Variants in SCFD2 observed in about 807,000 individuals in gnomAD.
SCFD2 encodes the protein sec1 family domain-containing protein 2.
SCFD2 carries 54 observed loss-of-function variants against 58.9 expected under a neutral mutation model. That is an observed-to-expected ratio of 0.92 (90% CI 0.74 to 1.15). The LOEUF (loss-of-function observed/expected upper bound fraction) is 1.15. SCFD2 is among the 50% of genes most tolerant of loss of function. The pLI is 0.00. For synonymous variants in SCFD2, 321 were observed against 335.9 expected (o/e 0.96, Z 0.49); for missense variants, 805 against 836.6 (o/e 0.96, Z 0.47).
At chr4:52,926,501 T>C (rs996133710) in intron 5 of SCFD2, among the ~76,000 whole-genome samples, 2 of 151,938 alleles carry the variant, frequency 1.3e-5, no homozygotes, top group Non-Finnish European at 2.9e-5. Flanking sequence ...GTAGCTAGAG[T>C]AGGATTTGAA....
At chr4:53,155,121 T>A (rs1368427932) in intron 4 of SCFD2, among the ~76,000 whole-genome samples, 1 of 152,134 alleles carries the variant, frequency 6.6e-6, no homozygotes, top group Admixed American at 6.5e-5. Flanking sequence ...ATACAAGTGG[T>A]TGATGTGAGG....
At chr4:53,352,525 G>T (rs2149163502) in intron 2 of SCFD2, 73 bp downstream of exon 2, 3 of 1,211,710 alleles carry the variant, frequency 2.5e-6, no homozygotes, top group Non-Finnish European at 3.4e-6. Context: ...TTTTCCTATG[G>T]GAATACTCAG....
intron 1 of SCFD2, among the ~76,000 whole-genome samples, chr4:53,353,445 T>G (rs1473202116): frequency 6.6e-6 from 1 of 152,154 alleles, no homozygotes; most frequent in African/African-American, 2.4e-5. Flanking sequence ...AACAGTGTGG[T>G]AAGGGACCCA....
chr4:53,251,992 C>T (rs541136158), intron 4 of SCFD2, among the ~76,000 whole-genome samples: 2 of 152,316 alleles, frequency 1.3e-5, no homozygotes, highest in African/African-American at 4.8e-5. Context: ...ACCCCATCAT[C>T]TCAGCCCAAA....
intron 4 of SCFD2, among the ~76,000 whole-genome samples, chr4:53,159,979 C>CTA (rs1316327299): frequency 6.6e-6 from 1 of 152,224 alleles, no homozygotes; most frequent in African/African-American, 2.4e-5. Flanking sequence ...CCAAAGTCCT[C>CTA]TAACAGGGTA....
intron 2 of SCFD2, among the ~76,000 whole-genome samples, chr4:53,331,556 A>C (rs1733470648): frequency 6.6e-6 from 1 of 152,218 alleles, no homozygotes; most frequent in Non-Finnish European, 1.5e-5. Context: ...AGCGAGAACA[A>C]AGACACAACA....
At chr4:53,056,752 G>A (rs80320049) in intron 5 of SCFD2, among the ~76,000 whole-genome samples, 1 of 152,130 alleles carries the variant, frequency 6.6e-6, no homozygotes, top group Non-Finnish European at 1.5e-5. Flanking sequence ...TTCAGTTTTA[G>A]ATCCTTGTAT....
At chr4:53,300,409 T>C (rs11946792) in intron 3 of SCFD2, among the ~76,000 whole-genome samples, 10 of 152,278 alleles carry the variant, frequency 6.6e-5, no homozygotes, top group African/African-American at 2.4e-4. Flanking sequence ...CTCTCCTAAA[T>C]ATATATGCAC....
At position 52,909,530 on chromosome 4, in the gene SCFD2, T is replaced by C. The variant is rs192814417; in HGVS notation, c.1708-1939A>G. Among the ~76,000 whole-genome samples the C allele has an allele frequency of 1.1e-3, 175 of 152,254 alleles. 1 individual carries two copies. Among genetic ancestry groups the C allele is most frequent in the South Asian group, 7.5e-3 (36 of 4,822 alleles). On this transcript the variant is annotated intron_variant, in intron 6 of 8. Coordinates refer to ENST00000401642, the MANE Select transcript of SCFD2 (RefSeq NM_152540.4). The stretch of plus-strand genomic sequence containing the variant: ...CAAAAATAAGCTCCGGTGTGAAACA[T>C]AGTAACTATCAGCAGCAATGATTAT...
At chr4:53,358,252 A>C (rs1734454264) in intron 1 of SCFD2, among the ~76,000 whole-genome samples, 2 of 152,170 alleles carry the variant, frequency 1.3e-5, no homozygotes, top group African/African-American at 4.8e-5. Context: ...TTAATTTAAA[A>C]GTTTGCATGA....
intron 5 of SCFD2, among the ~76,000 whole-genome samples, chr4:53,060,756 T>C (rs1269246165): frequency 6.6e-6 from 1 of 152,154 alleles, no homozygotes; most frequent in Non-Finnish European, 1.5e-5. Context: ...AATATAAAGA[T>C]ATGTGACTTT....
intron 5 of SCFD2, among the ~76,000 whole-genome samples, chr4:52,946,163 C>T (rs561273332): frequency 1.3e-4 from 20 of 152,202 alleles, no homozygotes; most frequent in Middle Eastern, 6.8e-3. Context: ...TGGCATGGTA[C>T]TAGGGATCTG....
Position 53,300,901 on chromosome 4 carries a change from C to T in SCFD2, c.1135+12735G>A, listed in dbSNP as rs763730704. ...AAATAAAGATGTTCTTTGAAACCAA[C>T]GACAACAAAGACACAACATATCAGA... On this transcript the variant is annotated intron_variant, in intron 3 of 8. Coordinates refer to ENST00000401642, the MANE Select transcript of SCFD2 (RefSeq NM_152540.4). Among the ~76,000 whole-genome samples, 101 of 152,148 alleles carry T rather than the reference C, an allele frequency of 6.6e-4. 1 individual carries two copies. The highest frequency in any genetic ancestry group is 1.1e-3 in the Non-Finnish European group (76 of 67,996).
At chr4:53,123,645 C>T (rs972029974) in intron 5 of SCFD2, among the ~76,000 whole-genome samples, 14 of 152,176 alleles carry the variant, frequency 9.2e-5, no homozygotes, top group African/African-American at 3.4e-4. Flanking sequence ...AACTGATCCC[C>T]TCCAAGTACA....
At chr4:53,329,745 G>A (rs1209995068) in intron 2 of SCFD2, among the ~76,000 whole-genome samples, 1 of 151,744 alleles carries the variant, frequency 6.6e-6, no homozygotes, top group Non-Finnish European at 1.5e-5. Context: ...GCTGGATGGA[G>A]AATGACTTTG....
intron 4 of SCFD2, among the ~76,000 whole-genome samples, chr4:53,269,711 C>T (rs890672209): frequency 6.6e-6 from 1 of 151,952 alleles, no homozygotes; most frequent in African/African-American, 2.4e-5. Flanking sequence ...TTTTGGAAAA[C>T]CAGACCATGG....
intron 6 of SCFD2, 138 bp downstream of exon 6, chr4:52,920,587 G>C: frequency 1.9e-6 from 1 of 523,852 alleles, no homozygotes; most frequent in Non-Finnish European, 3.2e-6. Context: ...CCAAAACTCT[G>C]AACTAAAAGA....
At chr4:52,923,386 G>C (rs966533981) in intron 5 of SCFD2, among the ~76,000 whole-genome samples, 9 of 152,050 alleles carry the variant, frequency 5.9e-5, no homozygotes, top group African/African-American at 1.9e-4. Flanking sequence ...GCTGAGGAAT[G>C]AGAATTGCTT....
chr4:53,002,418 G>A (rs1026478673), intron 5 of SCFD2, among the ~76,000 whole-genome samples: 1 of 151,974 alleles, frequency 6.6e-6, no homozygotes, highest in Non-Finnish European at 1.5e-5. Context: ...CACTGGGTGG[G>A]GTATCTTTCT....
Sources: allele counts gnomAD v4.1 joint callset (sites outside exome capture counted in the v4.1 genomes callset), GRCh38; gene constraint gnomAD v4.1.1; transcripts MANE v1.5; gene names NCBI Gene and HGNC (gene_info 2026-07-23, HGNC 2026-07-21).